The following TRIP12 variants were observed in gnomAD, a reference collection of about 807,000 sequenced individuals.
TRIP12 encodes E3 ubiquitin-protein ligase TRIP12.
In TRIP12, 25 loss-of-function variants were observed where a neutral mutation model predicts 244.2. The observed-to-expected ratio is 0.10, with a 90% confidence interval of 0.07 to 0.14. The LOEUF (loss-of-function observed/expected upper bound fraction) is 0.14, where lower values mean the gene tolerates loss of function less well. TRIP12 is among the 10% of genes least tolerant of loss of function. The pLI is 1.00. For synonymous variants in TRIP12, 905 were observed against 873.1 expected, an observed-to-expected ratio of 1.04 and a Z score of -0.64; for missense variants, 1,677 against 2,486.4, an observed-to-expected ratio of 0.67 and a Z score of 6.92.
rs753319640 is a variant in TRIP12, at chr2:229,804,680, T to TA, written c.2651-454dup. Among the ~76,000 whole-genome samples the TA allele has an allele frequency of 7.9e-5, 12 of 152,306 alleles. No individual in the cohort carries two copies. In the South Asian group the frequency reaches 2.1e-3, roughly 26 times the overall value. ...TAAAGTGTAAGGAAAAGATAACTGATAAGCAGTAAGTTATATACAAGGGGT... is the reference window on the plus strand; with the variant it reads ...TAAAGTGTAAGGAAAAGATAACTGATAAAGCAGTAAGTTATATACAAGGGGT... On this transcript the variant is annotated intron_variant, in intron 18 of 41. Transcript: ENST00000675903.
intron 2 of TRIP12, among the ~76,000 whole-genome samples, chr2:229,866,356 G>A (rs1189142779): frequency 6.6e-6 from 1 of 152,146 alleles, no homozygotes; most frequent in Non-Finnish European, 1.5e-5. Flanking sequence ...CACATTCAGT[G>A]ACTCCAAATA....
chr2:229,840,740 T>G, intron 5 of TRIP12, 82 bp downstream of exon 5: 1 of 952,886 alleles, frequency 1.0e-6, no homozygotes. Context: ...AAACAACCTA[T>G]GGAGTTAAGT....
chr2:229,869,556 C>G (rs1441242262), intron 2 of TRIP12, among the ~76,000 whole-genome samples: 1 of 152,154 alleles, frequency 6.6e-6, no homozygotes, highest in Non-Finnish European at 1.5e-5. Context: ...TTCCCCCTAC[C>G]GAGCTGGGTT....
At chr2:229,810,805 G>T in intron 15 of TRIP12, 75 bp downstream of exon 15, 1 of 1,442,236 alleles carries the variant, frequency 6.9e-7, no homozygotes, top group South Asian at 1.3e-5. Flanking sequence ...CCATTTGCTC[G>T]GCTTATGTTG....
chr2:229,801,443 G>T (rs2044322829), intron 21 of TRIP12, among the ~76,000 whole-genome samples: 1 of 152,228 alleles, frequency 6.6e-6, no homozygotes, highest in East Asian at 1.9e-4. Flanking sequence ...TAAATTTTTG[G>T]ACCCCACTTA....
chr2:229,829,098 GA>G (rs1472231194), intron 8 of TRIP12, 94 bp downstream of exon 8: 8 of 1,162,932 alleles, frequency 6.9e-6, no homozygotes, highest in African/African-American at 3.1e-5. Flanking sequence ...TAAAGTTGAT[GA>G]AAAACTTCTT....
intron 27 of TRIP12, 42 bp from the exon 28 acceptor site, chr2:229,792,268 G>A: frequency 1.9e-6 from 3 of 1,576,334 alleles, no homozygotes; most frequent in African/African-American, 1.4e-5. Flanking sequence ...GCGATTTTAG[G>A]TGTAAAAAAA....
intron 33 of TRIP12, among the ~76,000 whole-genome samples, 198 bp downstream of exon 33, chr2:229,787,307 G>C (rs180905421): frequency 6.6e-6 from 1 of 152,098 alleles, no homozygotes; most frequent in Non-Finnish European, 1.5e-5. Context: ...AAACTGGGGG[G>C]TGGGGAGGAG....
At chr2:229,776,005 G>A (rs1389604277) in intron 37 of TRIP12, among the ~76,000 whole-genome samples, 2 of 151,972 alleles carry the variant, frequency 1.3e-5, no homozygotes, top group Non-Finnish European at 2.9e-5. Flanking sequence ...GAACTGTGGC[G>A]GCATACTGCA....
Position 229,815,293 on chromosome 2 carries a change from T to A in TRIP12, c.1615A>T (p.Met539Leu). 6.9e-7 allele frequency: 1 copy of A among 1,457,132 alleles called. No homozygotes were observed. Among genetic ancestry groups the A allele is most frequent in the East Asian group, 2.3e-5 (1 of 43,190 alleles). 90.3% of individuals were successfully genotyped at this position (1,457,132 alleles called of 1,614,324 possible). ...VVPALITLLQ[M>L]EHNFDIMNHA... is the part of the protein sequence containing the mutation. Reference sequence around the variant, plus strand: ...CTTACAATATCAAAATTGTGCTCCATCTGAAGTAACGTAATCTGTTAAAAA... The same window carrying A: ...CTTACAATATCAAAATTGTGCTCCAACTGAAGTAACGTAATCTGTTAAAAA... The change falls in exon 10 of 42, where the codon ATG becomes TTG. Residue 539 changes from methionine (M) to leucine (L), a missense_variant. By Grantham distance (15) the Met-to-Leu change is conservative (BLOSUM62 2). This residue lies in a region of TRIP12 where 572 missense variants were observed against 867.8 expected (regional missense o/e 0.66). Coordinates refer to ENST00000675903, the MANE Select transcript of TRIP12 (RefSeq NM_001348323.3).
intron 27 of TRIP12, 92 bp from the exon 28 acceptor site, chr2:229,792,318 A>C (rs572891025): frequency 8.2e-7 from 1 of 1,221,714 alleles, no homozygotes; most frequent in Admixed American, 2.0e-5. Flanking sequence ...ATATTCTTAG[A>C]AAACACATAT....
chr2:229,855,870 T>C (rs1357333403), intron 4 of TRIP12, among the ~76,000 whole-genome samples: 4 of 151,862 alleles, frequency 2.6e-5, no homozygotes, highest in African/African-American at 9.7e-5. Flanking sequence ...GGCGAAACCC[T>C]GTCTCTTAAA....
rs779208475 is a variant in TRIP12 at position 229,797,781 on chromosome 2, C to T, written c.3533G>A (p.Arg1178His). 6.2e-6 allele frequency: 10 copies of T among 1,613,898 alleles called. No homozygotes were observed. The highest frequency in any genetic ancestry group is 3.3e-5 in the South Asian group (3 of 90,998). ...IKEQAHKFVE[R>H]YFSSENMDGS... is the part of the protein sequence containing the mutation. ...ATCCATATTCTCAGAACTGAAATAA[C>T]GTTCTACAAATTTATGTGCCTGCTC... Residue 1178 changes from arginine to histidine, a missense_variant, in exon 24 of 42, where the codon CGT becomes CAT. By Grantham distance (29) the Arg-to-His change is conservative. Transcript: ENST00000675903.
At chr2:229,830,610 T>C (rs2053089875) in intron 7 of TRIP12, 146 bp downstream of exon 7, 6 of 552,642 alleles carry the variant, frequency 1.1e-5, no homozygotes, top group Admixed American at 3.5e-5. Context: ...AATCATGAAA[T>C]TGCTACTAAA....
chr2:229,809,880 C>T (rs1371987558), intron 15 of TRIP12, among the ~76,000 whole-genome samples: 1 of 152,190 alleles, frequency 6.6e-6, no homozygotes, highest in Non-Finnish European at 1.5e-5. Context: ...AATGAAAATA[C>T]TATACTGCTA....
intron 2 of TRIP12, among the ~76,000 whole-genome samples, chr2:229,866,243 G>A (rs189951182): frequency 1.1e-4 from 17 of 152,142 alleles, no homozygotes; most frequent in Non-Finnish European, 2.2e-4. Flanking sequence ...AACGACAAGC[G>A]ATTATACTAT....
intron 8 of TRIP12, among the ~76,000 whole-genome samples, chr2:229,824,724 A>G (rs898917504): frequency 6.6e-6 from 1 of 152,232 alleles, no homozygotes; most frequent in Admixed American, 6.5e-5. Context: ...GCTACTCTTA[A>G]CTGAGAAAGG....
intron 2 of TRIP12, among the ~76,000 whole-genome samples, chr2:229,864,566 CTT>C (rs879933835): frequency 2.9e-4 from 41 of 143,068 alleles, no homozygotes; most frequent in Non-Finnish European, 2.8e-4. Flanking sequence ...AGATTTTCAA[CTT>C]TTTTTTTTTT....
At chr2:229,806,732 C>G (rs1034160887) in intron 17 of TRIP12, among the ~76,000 whole-genome samples, 2 of 152,142 alleles carry the variant, frequency 1.3e-5, no homozygotes, top group African/African-American at 4.8e-5. Context: ...TGCTCTGAAA[C>G]TGGATTTATT....
Sources: allele counts gnomAD v4.1 joint callset (sites outside exome capture counted in the v4.1 genomes callset), GRCh38; gene constraint gnomAD v4.1.1; regional missense constraint gnomAD v4.1.1; transcripts MANE v1.5; gene names NCBI Gene and HGNC (gene_info 2026-07-23, HGNC 2026-07-21).